FAM83D: variants seen among roughly 807,000 people sequenced by gnomAD.
FAM83D encodes protein FAM83D.
In FAM83D, 26 loss-of-function variants were observed where a neutral mutation model predicts 25.4. The observed-to-expected ratio is 1.02, with a 90% CI of 0.75 to 1.42. FAM83D has a LOEUF of 1.42. Among genes scored for constraint, FAM83D ranks in the 40% most tolerant of loss-of-function variants. The pLI is 0.00. For missense variants in FAM83D, 740 were observed against 758.1 expected (o/e 0.98, Z 0.28); for synonymous variants, 310 against 318.5 (o/e 0.97, Z 0.28).
rs112144207 is a variant in FAM83D at position 38,943,024 on chromosome 20, CT to C, written c.651+913del. Among the ~76,000 whole-genome samples the C allele has an allele frequency of 6.7e-3, 944 of 141,646 alleles. 8 individuals carry two copies. The highest frequency in any genetic ancestry group is 0.018 in the African/African-American group (708 of 38,520). The allele number at this position is 141,646 out of a possible 152,430, so 92.9% of individuals were successfully genotyped here. A position where few individuals can be genotyped will look rare whatever the true frequency, so the allele number is the denominator to read the frequency against. ...ACTCTGTCTTTGGCACTGCTCCATGCTTTTTTTTTTTTTTTCCTGAGATAGA... is the reference window on the plus strand; with the variant it reads ...ACTCTGTCTTTGGCACTGCTCCATGCTTTTTTTTTTTTTTCCTGAGATAGA... On this transcript the variant is annotated intron_variant, in intron 2 of 3. Coordinates refer to ENST00000619850, the MANE Select transcript of FAM83D (RefSeq NM_030919.3).
At chr20:38,947,131 G>C (rs1183299108) in intron 2 of FAM83D, among the ~76,000 whole-genome samples, 2 of 152,218 alleles carry the variant, frequency 1.3e-5, no homozygotes, top group African/African-American at 4.8e-5. Flanking sequence ...GTCTGCTCCA[G>C]AGAATGCAGA....
intron 1 of FAM83D, among the ~76,000 whole-genome samples, chr20:38,941,711 C>T (rs1025927465): frequency 1.3e-5 from 2 of 152,082 alleles, no homozygotes; most frequent in Non-Finnish European, 2.9e-5. Context: ...TTTGAGAAAC[C>T]TCCCAGCATG....
chr20:38,930,767 C>A (rs186052333), intron 1 of FAM83D, among the ~76,000 whole-genome samples: 1 of 152,290 alleles, frequency 6.6e-6, no homozygotes, highest in East Asian at 1.9e-4. Flanking sequence ...CCTACCTCAG[C>A]CTCCCAAGTA....
In FAM83D at chr20:38,926,925, G is replaced by T. The variant is rs1252333030; in HGVS notation, c.483G>T (p.Glu161Asp). 1 of 1,449,226 alleles carries T rather than the reference G, an allele frequency of 6.9e-7. No individual in the cohort carries two copies. The highest frequency in any genetic ancestry group is 1.4e-5 in the South Asian group (1 of 70,992). The allele number at this position is 1,449,226 out of a possible 1,614,324, so 89.8% of individuals were successfully genotyped here. Residue 161 changes from glutamate (E) to aspartate (D), a missense_variant and splice_region_variant, in exon 1 of 4, where the codon GAG (glutamate) becomes GAT (aspartate). Glu to Asp is a conservative substitution (Grantham distance 45). Around this residue, in one of 3 missense-constraint regions of FAM83D, gnomAD observed 333 missense variants for 298.6 expected, o/e 1.12. Coordinates refer to ENST00000619850, the MANE Select transcript of FAM83D (RefSeq NM_030919.3). The part of the protein sequence containing the change: ...ALRQQLRSAR[E>D]VIAVVMDVFT... ...GCCAGCAGCTCCGCTCGGCGCGAGAGGTGAGCGGCCCTCCAGGGCCCTGGG... is the reference window on the plus strand; with the variant it reads ...GCCAGCAGCTCCGCTCGGCGCGAGATGTGAGCGGCCCTCCAGGGCCCTGGG...
chr20:38,952,809 A>G lies in FAM83D; in HGVS notation c.*289A>G, dbSNP rs1601340572. 1.9e-5 allele frequency: 8 copies of G among 411,654 alleles called. No individual in the cohort carries two copies. In the East Asian group the frequency reaches 3.7e-4, roughly 19 times the overall value. 25.5% of individuals were successfully genotyped at this position (411,654 alleles called of 1,614,324 possible). A position where few individuals can be genotyped will look rare whatever the true frequency, so the allele number is the denominator to read the frequency against. ...TGTTTTGGTCAATGACAGACCACGT[A>G]TATGTTGGCAGTCTCATAAGATTAT... On this transcript the variant is annotated 3_prime_UTR_variant, in exon 4 of 4. Transcript: ENST00000619850.
chr20:38,941,802 T>A (rs188289483), intron 1 of FAM83D, among the ~76,000 whole-genome samples, 157 bp from the exon 2 acceptor site: 1 of 151,826 alleles, frequency 6.6e-6, no homozygotes, highest in Non-Finnish European at 1.5e-5. Context: ...AAAGAGTCCA[T>A]GGTGAGGGGG....
At chr20:38,940,913 T>C (rs1351868812) in intron 1 of FAM83D, among the ~76,000 whole-genome samples, 1 of 152,232 alleles carries the variant, frequency 6.6e-6, no homozygotes, top group African/African-American at 2.4e-5. Flanking sequence ...CTTTGTACCT[T>C]GCACTTTATG....
At chr20:38,943,022 T>TG (rs2085709667) in intron 2 of FAM83D, among the ~76,000 whole-genome samples, 1 of 140,638 alleles carries the variant, frequency 7.1e-6, no homozygotes, top group African/African-American at 2.6e-5. Flanking sequence ...CACTGCTCCA[T>TG]GCTTTTTTTT....
intron 2 of FAM83D, among the ~76,000 whole-genome samples, chr20:38,947,598 T>C (rs766216939): frequency 7.0e-4 from 107 of 152,212 alleles, no homozygotes; most frequent in Non-Finnish European, 1.3e-3. Flanking sequence ...AGTGTTCTTT[T>C]AGAACACATA....
At chr20:38,941,863 A>C (rs1430997734) in intron 1 of FAM83D, 96 bp from the exon 2 acceptor site, 3 of 1,228,222 alleles carry the variant, frequency 2.4e-6, no homozygotes, top group Admixed American at 3.5e-5. Flanking sequence ...GATAGGGATC[A>C]TTTCCCAGTT....
intron 1 of FAM83D, among the ~76,000 whole-genome samples, chr20:38,928,627 G>C (rs2085646374): frequency 6.6e-6 from 1 of 152,156 alleles, no homozygotes; most frequent in South Asian, 2.1e-4. Flanking sequence ...CTAGTCTTTT[G>C]CCCAGCCCCA....
At chr20:38,935,191 C>A (rs1161838302) in intron 1 of FAM83D, among the ~76,000 whole-genome samples, 2 of 152,218 alleles carry the variant, frequency 1.3e-5, no homozygotes, top group Admixed American at 1.3e-4. Context: ...GATTTTGGAA[C>A]TAGGCAAATG....
At chr20:38,928,052 G>A (rs1339580481) in intron 1 of FAM83D, among the ~76,000 whole-genome samples, 3 of 152,240 alleles carry the variant, frequency 2.0e-5, no homozygotes, top group Admixed American at 6.5e-5. Context: ...GGGGATCAAG[G>A]AGGAAGAAGG....
chr20:38,939,918 C>T (rs886789360), intron 1 of FAM83D, among the ~76,000 whole-genome samples: 1 of 152,172 alleles, frequency 6.6e-6, no homozygotes. Context: ...TTAATTTTGT[C>T]TTCCTGAGGA....
chr20:38,952,167 G>A lies in FAM83D; in HGVS notation c.1405G>A (p.Val469Ile), dbSNP rs1310817461. ...AGGGTCACCAGTCTCAAAAATGTCTGTATCGAGATCTTCCAGTTTGAAGTC... is the reference window on the plus strand; with the variant it reads ...AGGGTCACCAGTCTCAAAAATGTCTATATCGAGATCTTCCAGTTTGAAGTC... ...TEGSPVSKMS[V>I]SRSSSLKSSS... Residue 469 changes from valine to isoleucine, a missense_variant, in exon 4 of 4, where the codon GTA (valine) becomes ATA (isoleucine). By Grantham distance (29) the Val-to-Ile change is conservative. This residue lies in a region of FAM83D where 375 missense variants were observed against 403.2 expected (regional missense o/e 0.93). Transcript: ENST00000619850. 2.5e-6 allele frequency: 4 copies of A among 1,614,178 alleles called. No individual in the cohort carries two copies. In the East Asian group the frequency reaches 6.7e-5, roughly 27 times the overall value.
Position 38,935,446 on chromosome 20 carries a change from CTTGT to C in FAM83D, c.484-6501_484-6498del, listed in dbSNP as rs1006124988. ...ATACTTAAATTGTTTTATTTGGTTG[CTTGT>C]TTGTTTGTTTGAGACAAGTTCTCAT... is the stretch of plus-strand genomic sequence containing the variant. On this transcript the variant is annotated intron_variant, in intron 1 of 3. Coordinates refer to ENST00000619850, the MANE Select transcript of FAM83D (RefSeq NM_030919.3). 1.6e-3 allele frequency among the ~76,000 whole-genome samples: 246 copies of C among 152,208 alleles called. 1 individual carries two copies. Among genetic ancestry groups the C allele is most frequent in the African/African-American group, 5.6e-3 (232 of 41,524 alleles).
In FAM83D at chr20:38,951,525, T is replaced by G; in HGVS notation, c.777-14T>G. The stretch of plus-strand genomic sequence containing the variant: ...TCCTTACCAGCTGCTGTTTGTTTCT[T>G]TTTAATCTTTAAGTTTTACATGGAC... On this transcript the variant is annotated splice_polypyrimidine_tract_variant and intron_variant, in intron 3 of 3. Transcript: ENST00000619850. 6.2e-7 allele frequency: 1 copy of G among 1,601,178 alleles called. No individual in the cohort carries two copies. The highest frequency in any genetic ancestry group is 1.1e-5 in the South Asian group (1 of 89,322).
intron 3 of FAM83D, among the ~76,000 whole-genome samples, chr20:38,949,648 C>G (rs2085744444): frequency 6.6e-6 from 1 of 152,180 alleles, no homozygotes; most frequent in Admixed American, 6.5e-5. Context: ...TCAGCTAACT[C>G]TCAAACGTAC....
chr20:38,948,092 G>T (rs903546798), intron 3 of FAM83D, 92 bp downstream of exon 3: 1 of 1,443,350 alleles, frequency 6.9e-7, no homozygotes. Flanking sequence ...CTCAATGGGA[G>T]CCTGTATGGC....
Sources: gnomAD v4.1 joint callset for allele counts (sites outside exome capture counted in the v4.1 genomes callset) on GRCh38, gnomAD v4.1.1 for gene constraint, gnomAD v4.1.1 regional missense constraint, MANE v1.5 for transcripts, NCBI Gene and HGNC (gene_info 2026-07-23, HGNC 2026-07-21) for gene names.